The following CTNNA2 variants were observed in gnomAD, a reference collection of about 807,000 sequenced individuals.
The protein encoded by CTNNA2 is catenin alpha 2, also known as catenin alpha-2.
Under a neutral mutation model 101.0 loss-of-function variants are expected in CTNNA2, and 42 were observed. That is an observed-to-expected ratio of 0.42 (90% CI 0.32 to 0.54). The LOEUF (loss-of-function observed/expected upper bound fraction) is 0.54, where lower values mean the gene tolerates loss of function less well. CTNNA2 is among the 20% of genes least tolerant of loss of function. The pLI is 0.14. For missense variants in CTNNA2, 871 were observed against 1,223.1 expected (o/e 0.71, Z 4.29); for synonymous variants, 450 against 456.4 (o/e 0.99, Z 0.18).
intron 9 of CTNNA2, among the ~76,000 whole-genome samples, chr2:80,442,221 G>T (rs988050789): frequency 6.6e-6 from 1 of 152,206 alleles, no homozygotes; most frequent in African/African-American, 2.4e-5. Context: ...TTTTGAGGCA[G>T]TATGGTGATG....
chr2:79,480,294 A>G (rs1488477371), intron 4 of CTNNA2, among the ~76,000 whole-genome samples: 1 of 152,184 alleles, frequency 6.6e-6, no homozygotes, highest in East Asian at 1.9e-4. Context: ...TCTACCTCCA[A>G]CATTGGGTAT....
At chr2:80,222,947 T>C (rs1490262888) in intron 7 of CTNNA2, among the ~76,000 whole-genome samples, 1 of 152,198 alleles carries the variant, frequency 6.6e-6, no homozygotes, top group Non-Finnish European at 1.5e-5. Context: ...CTAAAATGAC[T>C]GTGGACTTCT....
chr2:79,616,093 T>C lies in CTNNA2; in HGVS notation c.-5-35459T>C, dbSNP rs187840954. On this transcript the variant is annotated intron_variant, in intron 1 of 18. Coordinates refer to ENST00000402739, the MANE Select transcript of CTNNA2 (RefSeq NM_001282597.3). ...AGTTGCAGGAGAGATCTTATCTCTC[T>C]CAAAGCCAAACATACTTACTATCTG... Among the ~76,000 whole-genome samples, 184 of 152,284 alleles carry C rather than the reference T, an allele frequency of 1.2e-3. 2 individuals carry two copies. The highest frequency in any genetic ancestry group is 4.0e-3 in the African/African-American group (167 of 41,574).
intron 7 of CTNNA2, among the ~76,000 whole-genome samples, chr2:80,161,545 C>CA (rs983524601): frequency 3.2e-4 from 48 of 151,342 alleles, no homozygotes; most frequent in African/African-American, 9.0e-4. Context: ...AAGGTTCAAA[C>CA]AAAAAAAACA....
intron 1 of CTNNA2, among the ~76,000 whole-genome samples, chr2:79,560,963 T>A (rs1026811874): frequency 2.0e-5 from 3 of 151,920 alleles, no homozygotes; most frequent in Admixed American, 1.3e-4. Flanking sequence ...AAATTCACCC[T>A]TTTAAAGTGT....
At chr2:80,491,363 T>C (rs950559217) in intron 9 of CTNNA2, among the ~76,000 whole-genome samples, 1 of 152,216 alleles carries the variant, frequency 6.6e-6, no homozygotes, top group African/African-American at 2.4e-5. Flanking sequence ...GAGAACGGCA[T>C]GATCACCGTC....
chr2:79,362,476 G>A (rs1677653819), intron 3 of CTNNA2, among the ~76,000 whole-genome samples: 1 of 151,948 alleles, frequency 6.6e-6, no homozygotes, highest in South Asian at 2.1e-4. Flanking sequence ...GTGGACCAAG[G>A]GGCTACACTG....
At chr2:79,777,894 T>G (rs987145661) in intron 3 of CTNNA2, among the ~76,000 whole-genome samples, 8 of 116,444 alleles carry the variant, frequency 6.9e-5, no homozygotes, top group African/African-American at 1.9e-4. Context: ...TGCATGGGGT[T>G]TTTTTTTTTT....
At chr2:79,794,105 A>T (rs1451771540) in intron 3 of CTNNA2, among the ~76,000 whole-genome samples, 3 of 152,084 alleles carry the variant, frequency 2.0e-5, no homozygotes, top group African/African-American at 7.2e-5. Context: ...GTAACCAAAT[A>T]ACACCTGTTC....
intron 1 of CTNNA2, among the ~76,000 whole-genome samples, chr2:79,630,935 A>G (rs928030463): frequency 3.9e-5 from 6 of 152,336 alleles, no homozygotes; most frequent in East Asian, 1.9e-4. Context: ...TGAAAAGTCT[A>G]TAGTATATTT....
chr2:79,632,742 G>T (rs1679776281), intron 1 of CTNNA2, among the ~76,000 whole-genome samples: 1 of 152,200 alleles, frequency 6.6e-6, no homozygotes, highest in Non-Finnish European at 1.5e-5. Flanking sequence ...AATGATTGGG[G>T]CATCCAAAAT....
intron 3 of CTNNA2, among the ~76,000 whole-genome samples, chr2:79,326,453 T>C (rs982903527): frequency 2.6e-5 from 4 of 152,168 alleles, no homozygotes; most frequent in African/African-American, 4.8e-5. Context: ...ATCCACTCTT[T>C]ATACAACCTA....
At chr2:79,335,010 C>T (rs1053810250) in intron 3 of CTNNA2, among the ~76,000 whole-genome samples, 1 of 152,168 alleles carries the variant, frequency 6.6e-6, no homozygotes, top group African/African-American at 2.4e-5. Flanking sequence ...CCCATGCACA[C>T]ACATTCAACC....
At chr2:80,129,656 C>T (rs748921214) in intron 7 of CTNNA2, among the ~76,000 whole-genome samples, 14 of 152,166 alleles carry the variant, frequency 9.2e-5, no homozygotes, top group Non-Finnish European at 2.1e-4. Context: ...CTAACTGGTA[C>T]GCATATAAGA....
At chr2:79,837,488 A>G (rs1328239671) in intron 3 of CTNNA2, among the ~76,000 whole-genome samples, 1 of 152,178 alleles carries the variant, frequency 6.6e-6, no homozygotes, top group African/African-American at 2.4e-5. Context: ...CCTTCAATCC[A>G]ATCAAGTCAA....
At chr2:80,191,101 G>C (rs898613853) in intron 7 of CTNNA2, among the ~76,000 whole-genome samples, 4 of 152,166 alleles carry the variant, frequency 2.6e-5, no homozygotes, top group African/African-American at 9.7e-5. Context: ...TATTCAAAAA[G>C]TTAAATCAGA....
At chr2:80,234,072 C>T (rs1709410733) in intron 7 of CTNNA2, among the ~76,000 whole-genome samples, 1 of 150,878 alleles carries the variant, frequency 6.6e-6, no homozygotes, top group Non-Finnish European at 1.5e-5. Context: ...TTTGAGATGG[C>T]ATCTCACTCT....
chr2:80,171,076 A>G (rs1705020156), intron 7 of CTNNA2, among the ~76,000 whole-genome samples: 1 of 152,216 alleles, frequency 6.6e-6, no homozygotes, highest in Non-Finnish European at 1.5e-5. Context: ...ATTTTTTATT[A>G]TTTAAAATTC....
At chr2:79,927,208 C>A (rs933275225) in intron 7 of CTNNA2, among the ~76,000 whole-genome samples, 1 of 152,098 alleles carries the variant, frequency 6.6e-6, no homozygotes, top group Non-Finnish European at 1.5e-5. Context: ...TTAAGAAATG[C>A]ATGCTTTATT....
Sources: allele counts gnomAD v4.1 joint callset (sites outside exome capture counted in the v4.1 genomes callset), GRCh38; gene constraint gnomAD v4.1.1; transcripts MANE v1.5; gene names NCBI Gene and HGNC (gene_info 2026-07-23, HGNC 2026-07-21).